Variants in WNK1 observed in about 807,000 individuals in gnomAD.
The protein encoded by WNK1 is WNK lysine deficient protein kinase 1.
A neutral mutation model predicts 222.8 loss-of-function variants in WNK1; 38 were observed. That is an observed-to-expected ratio of 0.17 (90% CI 0.13 to 0.22). The LOEUF (loss-of-function observed/expected upper bound fraction) is 0.22. Among genes scored for constraint, WNK1 ranks in the 10% least tolerant of loss-of-function variants. WNK1 has a pLI of 1.00. For synonymous variants in WNK1, 1,090 were observed against 1,092.9 expected (o/e 1.00, Z 0.05); for missense variants, 2,348 against 2,918.4 (o/e 0.80, Z 4.50).
chr12:900,664 G>C lies in WNK1; in HGVS notation c.6637G>C (p.Gly2213Arg). 1 of 1,614,136 alleles carries C rather than the reference G, an allele frequency of 6.2e-7. No homozygotes were observed. Among genetic ancestry groups the C allele is most frequent in the Non-Finnish European group, 8.5e-7 (1 of 1,180,006 alleles). ...AISVPSLSAP[G>R]QGTSSTNTVG... Reference sequence around the variant, plus strand: ...TTCAGTACCAAGCCTTTCTGCTCCAGGTCAAGGTAATAAAGCAACCATCAT... The same window carrying C: ...TTCAGTACCAAGCCTTTCTGCTCCACGTCAAGGTAATAAAGCAACCATCAT... The change falls in exon 26 of 28, where the codon GGT becomes CGT. Residue 2213 changes from glycine to arginine, a missense_variant. Physicochemically the swap from Gly to Arg is moderately radical, Grantham distance 125. Transcript: ENST00000315939.
chr12:861,376 A>T, intron 7 of WNK1, 33 bp downstream of exon 7: 2 of 1,606,606 alleles, frequency 1.2e-6, no homozygotes, highest in Non-Finnish European at 8.5e-7. Flanking sequence ...AGATAGGCTA[A>T]TGATTCTCCT....
chr12:853,147 T>C (rs1950529116), intron 4 of WNK1, among the ~76,000 whole-genome samples: 3 of 152,192 alleles, frequency 2.0e-5, no homozygotes, highest in Admixed American at 2.0e-4. Flanking sequence ...TTTAAGGCAG[T>C]AGTAGTATCT....
At position 846,911 on chromosome 12, in the gene WNK1, T is replaced by C. The variant is rs190714864; in HGVS notation, c.1312-10250T>C. 7.2e-5 allele frequency among the ~76,000 whole-genome samples: 11 copies of C among 152,350 alleles called. No homozygotes were observed. The East Asian group carries it at 2.1e-3, about 29-fold the overall frequency. On this transcript the variant is annotated intron_variant, in intron 4 of 27. Coordinates refer to ENST00000315939, the MANE Select transcript of WNK1 (RefSeq NM_018979.4). ...TTAGCAGCTAGAATTTGTTGTGCTA[T>C]CAGTGAAAATCTATTGGAATTAGCT...
At chr12:882,863 C>A in intron 14 of WNK1, 80 bp from the exon 15 acceptor site, 2 of 881,234 alleles carry the variant, frequency 2.3e-6, no homozygotes, top group Non-Finnish European at 3.9e-6. Flanking sequence ...AAGTCAAGTG[C>A]TAATCTGCAT....
chr12:872,483 A>G (rs1207520357), intron 9 of WNK1, among the ~76,000 whole-genome samples: 1 of 152,232 alleles, frequency 6.6e-6, no homozygotes, highest in African/African-American at 2.4e-5. Context: ...AGAAAGTTCA[A>G]GGAATTCAAG....
intron 6 of WNK1, among the ~76,000 whole-genome samples, chr12:860,791 G>A (rs1951152245): frequency 6.6e-6 from 1 of 152,100 alleles, no homozygotes; most frequent in African/African-American, 2.4e-5. Context: ...TCGAGTTTCT[G>A]CAAAAATGGT....
At chr12:789,752 A>G (rs936762808) in intron 1 of WNK1, among the ~76,000 whole-genome samples, 36 of 152,086 alleles carry the variant, frequency 2.4e-4, no homozygotes, top group African/African-American at 8.7e-4. Flanking sequence ...TATTTCATAG[A>G]TGGTAAGGCA....
At chr12:781,097 C>T (rs1476703086) in intron 1 of WNK1, 2 of 120,908 alleles carry the variant, frequency 1.7e-5, no homozygotes, top group Admixed American at 8.6e-5. Context: ...TGTTTTATTT[C>T]GTTAACAACA....
chr12:889,346 C>T, intron 21 of WNK1, 123 bp downstream of exon 21: 1 of 846,324 alleles, frequency 1.2e-6, no homozygotes, highest in Non-Finnish European at 2.0e-6. Flanking sequence ...CCTGCTTATT[C>T]TAGCCAAAAG....
chr12:754,470 T>G, intron 1 of WNK1, 146 bp downstream of exon 1: 1 of 986,720 alleles, frequency 1.0e-6, no homozygotes, highest in Non-Finnish European at 1.6e-6. Flanking sequence ...GGGGCTGAAA[T>G]TAGGAGAATG....
chr12:809,464 A>G (rs1232259667), intron 1 of WNK1, among the ~76,000 whole-genome samples: 2 of 152,128 alleles, frequency 1.3e-5, no homozygotes, highest in African/African-American at 2.4e-5. Context: ...CTGGAAGGTC[A>G]TAAAGAAATC....
chr12:767,057 G>A (rs571254433), intron 1 of WNK1, among the ~76,000 whole-genome samples: 3 of 152,072 alleles, frequency 2.0e-5, no homozygotes, highest in South Asian at 2.1e-4. Context: ...GATTACAGGC[G>A]TGAGCCACCG....
intron 26 of WNK1, chr12:901,664 C>T (rs1411706620): frequency 1.6e-6 from 2 of 1,252,482 alleles, no homozygotes; most frequent in Non-Finnish European, 2.1e-6. Context: ...GTGTGTAACA[C>T]CTTTACTCCT....
At chr12:775,878 G>C (rs1270836260) in intron 1 of WNK1, among the ~76,000 whole-genome samples, 3 of 152,150 alleles carry the variant, frequency 2.0e-5, no homozygotes, top group Non-Finnish European at 4.4e-5. Flanking sequence ...GAAGTAATTT[G>C]CCAAGCTTGT....
In WNK1 at chr12:909,328, G is replaced by T. The variant is rs1361513024; in HGVS notation, c.*536G>T. 6.4e-6 allele frequency: 1 copy of T among 155,774 alleles called. No homozygotes were observed. Among genetic ancestry groups the T allele is most frequent in the African/African-American group, 2.4e-5 (1 of 41,294 alleles). 9.6% of individuals were successfully genotyped at this position (155,774 alleles called of 1,614,324 possible). A position where few individuals can be genotyped will look rare whatever the true frequency, so the allele number is the denominator to read the frequency against. On this transcript the variant is annotated 3_prime_UTR_variant, in exon 28 of 28. Coordinates refer to ENST00000315939, the MANE Select transcript of WNK1 (RefSeq NM_018979.4). ...CAGTGAAAAATACCAGGGTACTGGGGTGCAACTCTTTCTTATGATAGGTCA... is the reference window on the plus strand; with the variant it reads ...CAGTGAAAAATACCAGGGTACTGGGTTGCAACTCTTTCTTATGATAGGTCA...
chr12:777,195 G>C (rs77836530), intron 1 of WNK1, among the ~76,000 whole-genome samples: 52 of 142,254 alleles, frequency 3.7e-4, no homozygotes, highest in African/African-American at 1.2e-3. Flanking sequence ...ATGGAGTCTC[G>C]CTCTGTCACC....
intron 1 of WNK1, among the ~76,000 whole-genome samples, chr12:793,246 GT>G (rs1196750467): frequency 6.6e-6 from 1 of 152,162 alleles, no homozygotes; most frequent in Non-Finnish European, 1.5e-5. Flanking sequence ...TTTCTCTGTA[GT>G]TTTTAGAATC....
chr12:846,259 T>C (rs529867623), intron 4 of WNK1, among the ~76,000 whole-genome samples: 1 of 152,170 alleles, frequency 6.6e-6, no homozygotes, highest in African/African-American at 2.4e-5. Context: ...TATGCTATAC[T>C]TGTAGTCTTG....
intron 26 of WNK1, among the ~76,000 whole-genome samples, chr12:903,950 T>C (rs1371208838): frequency 6.6e-6 from 1 of 152,208 alleles, no homozygotes; most frequent in Non-Finnish European, 1.5e-5. Flanking sequence ...AGTATATATA[T>C]GTGGGATGTG....
Sources: allele counts gnomAD v4.1 joint callset (sites outside exome capture counted in the v4.1 genomes callset), GRCh38; gene constraint gnomAD v4.1.1; transcripts MANE v1.5; gene names NCBI Gene and HGNC (gene_info 2026-07-23, HGNC 2026-07-21).